SYN3: variants seen among roughly 807,000 people sequenced by gnomAD.
SYN3 encodes the protein synapsin-3.
Under a neutral mutation model 65.8 loss-of-function variants are expected in SYN3, and 35 were observed. The ratio of observed to expected loss-of-function variants is 0.53; its 90% CI spans 0.41 to 0.70. The LOEUF (loss-of-function observed/expected upper bound fraction) is 0.70, where lower values mean the gene tolerates loss of function less well. SYN3 is among the 30% of genes least tolerant of loss of function. SYN3 has a pLI of 0.00. For missense variants in SYN3, 680 were observed against 749.0 expected (o/e 0.91, Z 1.08); for synonymous variants, 270 against 292.9 (o/e 0.92, Z 0.80).
intron 6 of SYN3, among the ~76,000 whole-genome samples, chr22:32,762,493 A>G (rs533131407): frequency 4.6e-5 from 7 of 152,384 alleles, no homozygotes; most frequent in Non-Finnish European, 1.0e-4. Context: ...GACCAACAAG[A>G]TAAAAGGTTG....
chr22:33,050,479 C>CAAAAAA (rs58653594), intron 1 of SYN3, among the ~76,000 whole-genome samples: 6 of 108,504 alleles, frequency 5.5e-5, no homozygotes, highest in African/African-American at 1.1e-4. Context: ...GAGACTGTTT[C>CAAAAAA]AAAAAAAAAA....
At chr22:32,855,309 C>T (rs1280824065) in intron 6 of SYN3, among the ~76,000 whole-genome samples, 3 of 152,220 alleles carry the variant, frequency 2.0e-5, no homozygotes, top group African/African-American at 7.2e-5. Flanking sequence ...CTGTTACATT[C>T]ATTCACCCCA....
chr22:32,884,854 C>G (rs888426855), intron 4 of SYN3, among the ~76,000 whole-genome samples: 1 of 151,916 alleles, frequency 6.6e-6, no homozygotes, highest in Non-Finnish European at 1.5e-5. Context: ...TCCAGCCTGG[C>G]GACAGAGCGA....
intron 7 of SYN3, among the ~76,000 whole-genome samples, chr22:32,562,141 C>T (rs1229719644): frequency 6.6e-6 from 1 of 152,186 alleles, no homozygotes; most frequent in African/African-American, 2.4e-5. Flanking sequence ...TAACATCCCC[C>T]CCAATACTTA....
chr22:32,704,677 CCCA>C (rs1231047815), intron 6 of SYN3, among the ~76,000 whole-genome samples: 1 of 152,150 alleles, frequency 6.6e-6, no homozygotes, highest in African/African-American at 2.4e-5. Context: ...AATTTATACA[CCCA>C]CCAACAGTGT....
chr22:32,559,516 A>G (rs1004828533), intron 7 of SYN3, among the ~76,000 whole-genome samples: 1 of 152,176 alleles, frequency 6.6e-6, no homozygotes, highest in African/African-American at 2.4e-5. Context: ...CACCAGAGAA[A>G]GGCAGTCTCC....
At chr22:32,619,511 CA>C (rs1447156389) in intron 6 of SYN3, among the ~76,000 whole-genome samples, 1 of 152,140 alleles carries the variant, frequency 6.6e-6, no homozygotes, top group Non-Finnish European at 1.5e-5. Flanking sequence ...GGGTCTAGGA[CA>C]AACCCATTTG....
intron 6 of SYN3, among the ~76,000 whole-genome samples, chr22:32,690,032 C>T (rs1328720695): frequency 1.3e-5 from 2 of 152,060 alleles, no homozygotes; most frequent in Admixed American, 6.6e-5. Context: ...AAAAATTAGC[C>T]GGGCATGGTG....
intron 6 of SYN3, among the ~76,000 whole-genome samples, chr22:32,615,432 T>TAAAAAAAAAAAAAA (rs1190319833): frequency 6.6e-4 from 49 of 74,330 alleles, no homozygotes; most frequent in Admixed American, 7.9e-4. Flanking sequence ...AGACTTCATC[T>TAAAAAAAAAAAAAA]AAAAAAAAAA....
chr22:32,795,788 G>C (rs2046415420), intron 6 of SYN3, among the ~76,000 whole-genome samples: 1 of 152,248 alleles, frequency 6.6e-6, no homozygotes, highest in African/African-American at 2.4e-5. Context: ...AGAGAGTAGG[G>C]TCTCAGCAGC....
At chr22:32,827,279 G>T (rs1231201965) in intron 6 of SYN3, among the ~76,000 whole-genome samples, 2 of 152,172 alleles carry the variant, frequency 1.3e-5, no homozygotes, top group South Asian at 4.1e-4. Context: ...ACAGAGCCAG[G>T]CGTGGCCTAT....
intron 6 of SYN3, among the ~76,000 whole-genome samples, chr22:32,625,505 C>T (rs777135968): frequency 1.3e-5 from 2 of 152,208 alleles, no homozygotes; most frequent in Non-Finnish European, 2.9e-5. Context: ...GTACATGACA[C>T]GGCCTTGCTT....
At chr22:32,806,426 C>T (rs1569238769) in intron 6 of SYN3, among the ~76,000 whole-genome samples, 1 of 152,168 alleles carries the variant, frequency 6.6e-6, no homozygotes, top group Non-Finnish European at 1.5e-5. Flanking sequence ...CACGATTCTC[C>T]ATCGCACTTG....
Position 32,808,733 on chromosome 22 carries a change from C to G in SYN3, c.711+56182G>C, listed in dbSNP as rs73885106. Among the ~76,000 whole-genome samples, 1,069 of 152,288 alleles carry G rather than the reference C, an allele frequency of 7.0e-3. 14 individuals are homozygous for G. The highest frequency in any genetic ancestry group is 0.025 in the African/African-American group (1,039 of 41,552). On this transcript the variant is annotated intron_variant, in intron 6 of 13. Transcript: ENST00000358763. ...CCTTTGGTTCCTTTCCCTGATCACT[C>G]CTTGGCATTGGTACAGACGAACAGT...
At chr22:32,798,333 A>G (rs1248366210) in intron 6 of SYN3, among the ~76,000 whole-genome samples, 1 of 152,142 alleles carries the variant, frequency 6.6e-6, no homozygotes, top group Non-Finnish European at 1.5e-5. Flanking sequence ...AGCCCACAGT[A>G]CAAGCATGGG....
intron 7 of SYN3, among the ~76,000 whole-genome samples, chr22:32,575,488 G>T (rs2058838198): frequency 6.6e-6 from 1 of 152,210 alleles, no homozygotes; most frequent in Admixed American, 6.5e-5. Flanking sequence ...TCCTGCAGCT[G>T]CCTCAGCTAC....
chr22:32,764,936 G>A (rs574016311), intron 6 of SYN3, among the ~76,000 whole-genome samples: 40 of 152,140 alleles, frequency 2.6e-4, no homozygotes, highest in South Asian at 1.0e-3. Context: ...TGACTGAGCC[G>A]ATTGACATCA....
intron 6 of SYN3, among the ~76,000 whole-genome samples, chr22:32,767,984 T>C (rs1001008415): frequency 6.6e-6 from 1 of 152,202 alleles, no homozygotes; most frequent in African/African-American, 2.4e-5. Context: ...TGTCACCCCT[T>C]TGATCAGACA....
At chr22:32,805,040 T>TGC (rs1334759365) in intron 6 of SYN3, among the ~76,000 whole-genome samples, 2 of 134,586 alleles carry the variant, frequency 1.5e-5, no homozygotes, top group Non-Finnish European at 3.2e-5. Flanking sequence ...TGTGTGTGTG[T>TGC]GCGCGTGTGT....
Sources: allele counts gnomAD v4.1 joint callset (sites outside exome capture counted in the v4.1 genomes callset), GRCh38; gene constraint gnomAD v4.1.1; transcripts MANE v1.5; gene names NCBI Gene and HGNC (gene_info 2026-07-23, HGNC 2026-07-21).